Variants in OPA3 observed in about 807,000 individuals in gnomAD.
OPA3 encodes the protein outer mitochondrial membrane lipid metabolism regulator OPA3, also known as optic atrophy 3 protein.
A neutral mutation model predicts 4.0 loss-of-function variants in OPA3; 6 were observed. The observed-to-expected ratio is 1.51, with a 90% CI of 0.83 to 2.99. The LOEUF (loss-of-function observed/expected upper bound fraction) is 2.99. Ranked by LOEUF, OPA3 falls within the 30% of genes most tolerant of loss-of-function variation. OPA3 has a pLI of 0.00. For missense variants in OPA3, 235 were observed against 256.2 expected (o/e 0.92, Z 0.56); for synonymous variants, 105 against 117.1 (o/e 0.90, Z 0.67).
chr19:45,549,168 A>T lies in OPA3; in HGVS notation c.*4346T>A, dbSNP rs1161764925. On this transcript the variant is annotated 3_prime_UTR_variant, in exon 2 of 2. Transcript: ENST00000263275. ...TTGAAGATAATCAGCTTCATTTACA[A>T]ATTTATTCTAACCCCTCTCCCCAAA... 1.0e-6 allele frequency: 1 copy of T among 985,294 alleles called. No homozygotes were observed. Among genetic ancestry groups the T allele is most frequent in the African/African-American group, 1.7e-5 (1 of 57,308 alleles). The allele number at this position is 985,294 out of a possible 1,614,324, so 61.0% of individuals were successfully genotyped here. A position where few individuals can be genotyped will look rare whatever the true frequency, so the allele number is the denominator to read the frequency against.
chr19:45,562,182 T>C (rs1396695311), intron 1 of OPA3, among the ~76,000 whole-genome samples: 1 of 150,690 alleles, frequency 6.6e-6, no homozygotes, highest in Admixed American at 6.6e-5. Context: ...ACCCCATCTC[T>C]ACTAAAAATA....
chr19:45,553,616 C>A lies in OPA3; in HGVS notation c.438G>T (p.Gln146His). The change falls in exon 2 of 2, where the codon CAG becomes CAT. Residue 146 changes from glutamine to histidine, a missense_variant. Coordinates refer to ENST00000263275, the MANE Select transcript of OPA3 (RefSeq NM_025136.4). ...CTGTGCGCAGTTCCTCCAGGGCGCC[C>A]TGTGGCGGCGCCGCCTGCACCTGCG... ...LQAQVQAAPPQGALEELRTEL... is the reference protein window; with the variant it reads ...LQAQVQAAPPHGALEELRTEL... 6.2e-7 allele frequency: 1 copy of A among 1,608,564 alleles called. No homozygotes were observed.
At chr19:45,580,833 G>A (rs1308067831) in intron 1 of OPA3, among the ~76,000 whole-genome samples, 6 of 151,576 alleles carry the variant, frequency 4.0e-5, no homozygotes. Context: ...GGCCAGGCTG[G>A]TCTTGAACTC....
chr19:45,573,914 A>C (rs1169370243), intron 1 of OPA3, among the ~76,000 whole-genome samples: 1 of 151,138 alleles, frequency 6.6e-6, no homozygotes, highest in African/African-American at 2.4e-5. Context: ...TGTAATCCCA[A>C]CACTTTGGGA....
At chr19:45,564,070 C>G (rs1051438262) in intron 1 of OPA3, among the ~76,000 whole-genome samples, 3 of 151,558 alleles carry the variant, frequency 2.0e-5, no homozygotes, top group Non-Finnish European at 4.4e-5. Flanking sequence ...AAGCCTATAC[C>G]TCTGCACCTC....
At position 45,529,054 on chromosome 19, in the gene OPA3, TC is replaced by T. The variant is rs942215764; in HGVS notation, c.*1del. 8 of 1,598,546 alleles carry T rather than the reference TC, an allele frequency of 5.0e-6. No homozygotes were observed. The African/African-American group carries it at 9.4e-5, about 19-fold the overall frequency. Reference sequence around the variant, plus strand: ...CCTCCAAGACCAGGGCCCCGAGACCTCCTATTTCTCGGACGCCGGCGCAACT... The same window carrying T: ...CCTCCAAGACCAGGGCCCCGAGACCTCTATTTCTCGGACGCCGGCGCAACT... On this transcript the variant is annotated 3_prime_UTR_variant, in exon 2 of 2. Coordinates refer to the OPA3 transcript ENST00000323060.
At chr19:45,530,694 A>T (rs374759263) in intron 1 of OPA3, among the ~76,000 whole-genome samples, 22 of 151,946 alleles carry the variant, frequency 1.4e-4, no homozygotes, top group Admixed American at 8.5e-4. Flanking sequence ...CCTGACCTCA[A>T]GTGATCCGCC....
chr19:45,558,983 G>C (rs577607410), intron 1 of OPA3, among the ~76,000 whole-genome samples: 6 of 151,896 alleles, frequency 4.0e-5, no homozygotes, highest in African/African-American at 1.2e-4. Flanking sequence ...TCCCGGGTTC[G>C]AGTGATTCTC....
chr19:45,528,743 G>C (rs543389826), exon 2 of OPA3: 29 of 345,122 alleles, frequency 8.4e-5, no homozygotes, highest in Admixed American at 8.0e-4. Context: ...GCGGTAGGGA[G>C]GTGGGGTCTG....
intron 1 of OPA3, among the ~76,000 whole-genome samples, chr19:45,562,876 C>T (rs965975120): frequency 6.6e-6 from 1 of 152,080 alleles, no homozygotes; most frequent in African/African-American, 2.4e-5. Context: ...TGTTATCATC[C>T]GGAGACTCTG....
chr19:45,572,735 CTATA>C (rs370459129), intron 1 of OPA3, among the ~76,000 whole-genome samples: 61 of 134,736 alleles, frequency 4.5e-4, no homozygotes, highest in Non-Finnish European at 7.4e-4. Context: ...ATATATCATA[CTATA>C]TATATAGATA....
intron 1 of OPA3, among the ~76,000 whole-genome samples, chr19:45,530,551 C>T (rs560544108): frequency 1.3e-5 from 2 of 151,798 alleles, no homozygotes; most frequent in South Asian, 4.2e-4. Flanking sequence ...GCTCTGTTGC[C>T]CAGGCTGTAG....
chr19:45,573,551 A>G (rs1418710185), intron 1 of OPA3, among the ~76,000 whole-genome samples: 1 of 152,216 alleles, frequency 6.6e-6, no homozygotes, highest in Non-Finnish European at 1.5e-5. Flanking sequence ...TAATATCCAC[A>G]TAACAACCCA....
intron 1 of OPA3, among the ~76,000 whole-genome samples, chr19:45,556,143 ATTTAT>A (rs1200668491): frequency 1.3e-5 from 2 of 151,802 alleles, no homozygotes; most frequent in African/African-American, 4.8e-5. Flanking sequence ...AGGGCACACA[ATTTAT>A]TTTTTCTTTT....
chr19:45,545,569 C>G (rs552635456), downstream of OPA3, among the ~76,000 whole-genome samples: 14 of 151,534 alleles, frequency 9.2e-5, no homozygotes, highest in African/African-American at 3.1e-4. Context: ...CAACAACAAC[C>G]AGAGGCTGAG....
chr19:45,570,331 C>T (rs1969643017), intron 1 of OPA3, among the ~76,000 whole-genome samples: 1 of 152,166 alleles, frequency 6.6e-6, no homozygotes, highest in Non-Finnish European at 1.5e-5. Context: ...ACACTTCTTC[C>T]ATCTGAGACT....
intron 1 of OPA3, among the ~76,000 whole-genome samples, chr19:45,580,611 T>C (rs1306340503): frequency 6.8e-6 from 1 of 146,698 alleles, no homozygotes; most frequent in African/African-American, 2.5e-5. Context: ...TATTTATTTA[T>C]TTATTTATTT....
rs1279593207 is a variant in OPA3, at chr19:45,553,875, A to ATGCGCATCTTGG, written c.167_178dup (p.Thr56_Arg59dup). ...GATGACCGTGCCCCGGAAGCCCATGATGCGCATCTTGGTCCGCATCTCCAC... is the reference window on the plus strand; with the variant it reads ...GATGACCGTGCCCCGGAAGCCCATGATGCGCATCTTGGTGCGCATCTTGGTCCGCATCTCCAC... On this transcript the variant is annotated inframe_insertion, in exon 2 of 2. Transcript: ENST00000263275. The ATGCGCATCTTGG allele has an allele frequency of 6.2e-7, 1 of 1,610,460 alleles. No homozygotes were observed. The highest frequency in any genetic ancestry group is 8.5e-7 in the Non-Finnish European group (1 of 1,177,512).
At chr19:45,578,724 G>A (rs1287641768) in intron 1 of OPA3, among the ~76,000 whole-genome samples, 1 of 152,208 alleles carries the variant, frequency 6.6e-6, no homozygotes, top group Non-Finnish European at 1.5e-5. Context: ...CTACTCGGGA[G>A]GCTGAGGCAG....
Sources: gnomAD v4.1 joint callset for allele counts (sites outside exome capture counted in the v4.1 genomes callset) on GRCh38, gnomAD v4.1.1 for gene constraint, MANE v1.5 for transcripts, NCBI Gene and HGNC (gene_info 2026-07-23, HGNC 2026-07-21) for gene names.